Variants in CD86 observed in about 807,000 individuals in gnomAD.
The protein encoded by CD86 is CD86 molecule, also known as T-lymphocyte activation antigen CD86.
Under a neutral mutation model 32.1 loss-of-function variants are expected in CD86, and 11 were observed. The ratio of observed to expected loss-of-function variants is 0.34; its 90% CI spans 0.22 to 0.57. The LOEUF (loss-of-function observed/expected upper bound fraction) is 0.57. Ranked by LOEUF, CD86 falls within the 20% of genes least tolerant of loss-of-function variation. The probability of loss-of-function intolerance (pLI) is 0.86; values close to 1 mark genes in which losing one functional copy is unlikely to be tolerated. For synonymous variants in CD86, 137 were observed against 135.3 expected, an observed-to-expected ratio of 1.01 and a Z score of -0.09; for missense variants, 359 against 398.4, an observed-to-expected ratio of 0.90 and a Z score of 0.84.
At chr3:122,106,683 G>A (rs537054275) in intron 4 of CD86, among the ~76,000 whole-genome samples, 183 bp downstream of exon 4, 4 of 152,270 alleles carry the variant, frequency 2.6e-5, no homozygotes, top group African/African-American at 9.6e-5. Flanking sequence ...AGGAGGCTAC[G>A]AGCCTATGTT....
At chr3:122,081,477 G>C (rs944956583) in intron 1 of CD86, among the ~76,000 whole-genome samples, 3 of 152,170 alleles carry the variant, frequency 2.0e-5, no homozygotes, top group African/African-American at 7.2e-5. Context: ...CAGATGCCTC[G>C]GATGCAGGGT....
rs1421920150 is a variant in CD86 at position 122,103,666 on chromosome 3, G to C, written c.219G>C (p.Glu73Asp). ...TGAATGAGGTATACTTAGGCAAAGA[G>C]AAATTTGACAGTGTTCATTCCAAGT... ...LVLNEVYLGK[E>D]KFDSVHSKYM... The change falls in exon 3 of 7, where the codon GAG becomes GAC. Residue 73 changes from glutamate to aspartate, a missense_variant. Physicochemically the swap from Glu to Asp is conservative, Grantham distance 45 (BLOSUM62 2). Transcript: ENST00000330540. The C allele has an allele frequency of 3.7e-6, 6 of 1,614,080 alleles. No individual in the cohort carries two copies. Among genetic ancestry groups the C allele is most frequent in the South Asian group, 3.3e-5 (3 of 91,080 alleles).
At chr3:122,072,554 C>T (rs1483617950) in intron 1 of CD86, among the ~76,000 whole-genome samples, 1 of 152,060 alleles carries the variant, frequency 6.6e-6, no homozygotes, top group African/African-American at 2.4e-5. Context: ...GTTCATATCC[C>T]TTGCCCACTT....
chr3:122,082,268 G>A (rs2072645043), intron 1 of CD86, among the ~76,000 whole-genome samples: 1 of 152,176 alleles, frequency 6.6e-6, no homozygotes, highest in Non-Finnish European at 1.5e-5. Flanking sequence ...CTGGCTCCCT[G>A]TAACTTTTAG....
chr3:122,103,558 C>T lies in CD86; in HGVS notation c.111C>T (p.Asp37=), dbSNP rs1408660931. ...KIQAYFNETA[D]LPCQFANSQN... ...AAGCTTATTTCAATGAGACTGCAGA[C>T]CTGCCATGCCAATTTGCAAACTCTC... Residue 37 remains aspartate, a synonymous_variant, in exon 3 of 7, where the codon GAC becomes GAT. Transcript: ENST00000330540. The T allele has an allele frequency of 6.2e-7, 1 of 1,613,778 alleles. No individual in the cohort carries two copies. Among genetic ancestry groups the T allele is most frequent in the East Asian group, 2.2e-5 (1 of 44,880 alleles).
At chr3:122,116,605 A>C (rs2073254520) in intron 5 of CD86, among the ~76,000 whole-genome samples, 1 of 152,144 alleles carries the variant, frequency 6.6e-6, no homozygotes, top group Non-Finnish European at 1.5e-5. Context: ...AAAGACTCAT[A>C]CACAAATGTT....
intron 1 of CD86, among the ~76,000 whole-genome samples, chr3:122,075,555 C>A (rs1189062171): frequency 6.6e-6 from 1 of 152,124 alleles, no homozygotes; most frequent in Non-Finnish European, 1.5e-5. Context: ...ATTTCCCAAC[C>A]TGACAAGTAA....
intron 1 of CD86, among the ~76,000 whole-genome samples, chr3:122,075,530 C>A (rs1426193857): frequency 6.6e-6 from 1 of 152,140 alleles, no homozygotes; most frequent in Non-Finnish European, 1.5e-5. Flanking sequence ...TGTTAACTCT[C>A]TTTTCTAATA....
At chr3:122,093,419 A>G (rs1405595600) in intron 2 of CD86, among the ~76,000 whole-genome samples, 1 of 152,182 alleles carries the variant, frequency 6.6e-6, no homozygotes, top group Non-Finnish European at 1.5e-5. Context: ...CGATTTTGTC[A>G]TTGTATAATC....
At chr3:122,081,570 G>A (rs1352231740) in intron 1 of CD86, among the ~76,000 whole-genome samples, 4 of 152,316 alleles carry the variant, frequency 2.6e-5, no homozygotes, top group East Asian at 1.9e-4. Flanking sequence ...TAGCTACCAC[G>A]TTGAGTTCTA....
At chr3:122,088,512 C>G (rs966885562) in intron 1 of CD86, among the ~76,000 whole-genome samples, 4 of 152,150 alleles carry the variant, frequency 2.6e-5, no homozygotes, top group African/African-American at 4.8e-5. Flanking sequence ...TGTCTCCCTC[C>G]CTTCCAGCCA....
At chr3:122,109,552 T>A in intron 5 of CD86, 144 bp downstream of exon 5, 1 of 911,200 alleles carries the variant, frequency 1.1e-6, no homozygotes, top group South Asian at 1.4e-5. Flanking sequence ...CCTTGGAGTT[T>A]TGAGCCTATA....
chr3:122,056,757 G>A (rs1004528207), intron 1 of CD86, among the ~76,000 whole-genome samples: 1 of 152,180 alleles, frequency 6.6e-6, no homozygotes, highest in East Asian at 1.9e-4. Flanking sequence ...TAATTTTCCA[G>A]TAAAGATTCC....
At chr3:122,100,630 A>C (rs900871452) in intron 2 of CD86, among the ~76,000 whole-genome samples, 1 of 152,204 alleles carries the variant, frequency 6.6e-6, no homozygotes, top group African/African-American at 2.4e-5. Context: ...CAGAGACTTC[A>C]TAAGGCTAGC....
chr3:122,099,029 T>A (rs2072954511), intron 2 of CD86, among the ~76,000 whole-genome samples: 1 of 152,128 alleles, frequency 6.6e-6, no homozygotes, highest in South Asian at 2.1e-4. Context: ...AGGCTGGCAA[T>A]AAGCACCTGG....
At chr3:122,087,558 C>T (rs1216926106) in intron 1 of CD86, among the ~76,000 whole-genome samples, 1 of 152,148 alleles carries the variant, frequency 6.6e-6, no homozygotes, top group Non-Finnish European at 1.5e-5. Context: ...ATATGGGGCA[C>T]TTGTACTTCA....
chr3:122,114,049 G>A (rs889878855), intron 5 of CD86, among the ~76,000 whole-genome samples: 3 of 152,070 alleles, frequency 2.0e-5, no homozygotes, highest in Admixed American at 6.6e-5. Context: ...TCAGGAGTTC[G>A]AGACCCGCCT....
rs959188857 is a variant in CD86, at chr3:122,093,820, G to A, written c.64+2170G>A. On this transcript the variant is annotated intron_variant, in intron 2 of 6. Coordinates refer to ENST00000330540, the MANE Select transcript of CD86 (RefSeq NM_175862.5). ...TTGTTGTTATTTCCCATTTTAAGAT[G>A]TGGACACTAAAGCCCAGAGAGATGA... 9.2e-5 allele frequency among the ~76,000 whole-genome samples: 14 copies of A among 152,154 alleles called. 1 individual carries two copies. The highest frequency in any genetic ancestry group is 4.1e-4 in the South Asian group (2 of 4,832).
chr3:122,102,091 A>AC (rs2073019012), intron 2 of CD86, among the ~76,000 whole-genome samples: 1 of 152,044 alleles, frequency 6.6e-6, no homozygotes, highest in Non-Finnish European at 1.5e-5. Flanking sequence ...TCACTGGGCC[A>AC]CTCTGTACAC....
Sources: allele counts gnomAD v4.1 joint callset (sites outside exome capture counted in the v4.1 genomes callset), GRCh38; gene constraint gnomAD v4.1.1; transcripts MANE v1.5; gene names NCBI Gene and HGNC (gene_info 2026-07-23, HGNC 2026-07-21).